CCDC152: variants seen among roughly 807,000 people sequenced by gnomAD.
CCDC152 encodes coiled-coil domain containing 152.
Under a neutral mutation model 38.1 loss-of-function variants are expected in CCDC152, and 37 were observed. The ratio of observed to expected loss-of-function variants is 0.97; its 90% CI spans 0.75 to 1.28. CCDC152 has a LOEUF of 1.28. CCDC152 is among the 50% of genes most tolerant of loss of function. CCDC152 has a pLI of 0.00. For missense variants in CCDC152, 259 were observed against 292.1 expected (o/e 0.89, Z 0.83); for synonymous variants, 83 against 87.1 (o/e 0.95, Z 0.26).
intron 2 of CCDC152, among the ~76,000 whole-genome samples, chr5:42,759,896 T>C (rs1759527370): frequency 6.6e-6 from 1 of 152,150 alleles, no homozygotes; most frequent in Non-Finnish European, 1.5e-5. Context: ...GTTATGTATG[T>C]AGAGGTAAAA....
intron 4 of CCDC152, among the ~76,000 whole-genome samples, chr5:42,776,951 A>G (rs1477294113): frequency 6.6e-6 from 1 of 152,166 alleles, no homozygotes; most frequent in Non-Finnish European, 1.5e-5. Flanking sequence ...TGTGCATATG[A>G]GAAGACAACA....
In CCDC152 at chr5:42,801,501, A is replaced by G. The variant is rs1226241259; in HGVS notation, c.*1720A>G. The G allele has an allele frequency of 3.7e-6, 2 of 544,842 alleles. No individual in the cohort carries two copies. The highest frequency in any genetic ancestry group is 1.9e-5 in the African/African-American group (1 of 52,574). The allele number at this position is 544,842 out of a possible 1,614,324, so 33.8% of individuals were successfully genotyped here. ...CTGATGTTAGTCTCAACACCTAGAC[A>G]TTTTATTAAAGGCTTAAAAAGAAAG... On this transcript the variant is annotated 3_prime_UTR_variant, in exon 9 of 9. Transcript: ENST00000361970.
intron 6 of CCDC152, among the ~76,000 whole-genome samples, chr5:42,796,143 A>G (rs1413758884): frequency 6.6e-6 from 1 of 152,042 alleles, no homozygotes; most frequent in African/African-American, 2.4e-5. Context: ...CTAATGCTAA[A>G]TGACGAGTTA....
intron 4 of CCDC152, among the ~76,000 whole-genome samples, chr5:42,773,863 G>A (rs1229680605): frequency 6.6e-6 from 1 of 152,138 alleles, no homozygotes; most frequent in Non-Finnish European, 1.5e-5. Context: ...TTTAGAAATG[G>A]TTCCACCATT....
chr5:42,779,914 TG>T (rs1242222357), intron 5 of CCDC152, among the ~76,000 whole-genome samples: 1 of 152,142 alleles, frequency 6.6e-6, no homozygotes, highest in African/African-American at 2.4e-5. Context: ...CTTTATGATT[TG>T]GGTAATCATT....
intron 6 of CCDC152, among the ~76,000 whole-genome samples, chr5:42,786,808 A>T (rs910016652): frequency 6.6e-6 from 1 of 151,800 alleles, no homozygotes; most frequent in African/African-American, 2.4e-5. Context: ...TCCTAATACT[A>T]CTTTTCTGTA....
At chr5:42,788,299 A>G (rs932592700) in intron 6 of CCDC152, among the ~76,000 whole-genome samples, 3 of 151,544 alleles carry the variant, frequency 2.0e-5, no homozygotes, top group Admixed American at 6.6e-5. Context: ...GAAGTCTGCC[A>G]TATAATCATT....
intron 4 of CCDC152, among the ~76,000 whole-genome samples, chr5:42,771,704 G>A (rs1032292860): frequency 2.0e-5 from 3 of 151,982 alleles, no homozygotes; most frequent in African/African-American, 7.3e-5. Flanking sequence ...TATACAACCT[G>A]CCAAAACTGA....
At chr5:42,774,250 T>C (rs1759740987) in intron 4 of CCDC152, among the ~76,000 whole-genome samples, 1 of 152,098 alleles carries the variant, frequency 6.6e-6, no homozygotes, top group Non-Finnish European at 1.5e-5. Flanking sequence ...TAGTCAAATC[T>C]AAGAGATTAA....
intron 4 of CCDC152, among the ~76,000 whole-genome samples, chr5:42,776,253 A>G (rs937135597): frequency 5.3e-5 from 8 of 152,176 alleles, no homozygotes; most frequent in African/African-American, 1.9e-4. Context: ...GGGCTGGAGA[A>G]AGATATGCCG....
At chr5:42,760,287 G>A (rs1228066091) in intron 2 of CCDC152, among the ~76,000 whole-genome samples, 1 of 120,950 alleles carries the variant, frequency 8.3e-6, no homozygotes, top group Non-Finnish European at 1.6e-5. Flanking sequence ...CTGGGCGACA[G>A]AGCGAGACTC....
intron 8 of CCDC152, 52 bp from the exon 9 acceptor site, chr5:42,799,607 T>G: frequency 7.4e-7 from 1 of 1,348,606 alleles, no homozygotes; most frequent in Non-Finnish European, 1.0e-6. Flanking sequence ...TGTTGTTCCT[T>G]GTACTAAATT....
chr5:42,779,108 C>T (rs1382304901), intron 4 of CCDC152, among the ~76,000 whole-genome samples: 1 of 152,152 alleles, frequency 6.6e-6, no homozygotes, highest in African/African-American at 2.4e-5. Context: ...ACTTAAATCT[C>T]GTCTCAAGTA....
intron 3 of CCDC152, among the ~76,000 whole-genome samples, chr5:42,769,005 T>C (rs1029459158): frequency 2.0e-5 from 3 of 151,898 alleles, no homozygotes; most frequent in African/African-American, 7.3e-5. Flanking sequence ...CCAAGGGGGG[T>C]GGATCACCTG....
At chr5:42,759,055 A>C in intron 1 of CCDC152, 65 bp from the exon 2 acceptor site, 1 of 1,138,584 alleles carries the variant, frequency 8.8e-7, no homozygotes, top group Non-Finnish European at 1.2e-6. Flanking sequence ...TGAGCTATGA[A>C]CACTATTGTG....
chr5:42,777,358 G>T (rs1159627616), intron 4 of CCDC152, among the ~76,000 whole-genome samples: 1 of 151,916 alleles, frequency 6.6e-6, no homozygotes, highest in Non-Finnish European at 1.5e-5. Context: ...AGCTACTCGG[G>T]GGCCGAGGCA....
Position 42,796,776 on chromosome 5 carries a change from T to C in CCDC152, c.431-53T>C, listed in dbSNP as rs1470400814. 3.4e-6 allele frequency: 4 copies of C among 1,177,816 alleles called. No individual in the cohort carries two copies. In the East Asian group the frequency reaches 8.6e-5, roughly 25 times the overall value. 73.0% of individuals were successfully genotyped at this position (1,177,816 alleles called of 1,614,324 possible). A position where few individuals can be genotyped will look rare whatever the true frequency, so the allele number is the denominator to read the frequency against. On this transcript the variant is annotated intron_variant, in intron 6 of 8. Transcript: ENST00000361970. ...AAAACACTAAAGAAATACAAACTTATAATAATTTTGAAATTTTTAACAAAT... is the reference window on the plus strand; with the variant it reads ...AAAACACTAAAGAAATACAAACTTACAATAATTTTGAAATTTTTAACAAAT...
chr5:42,799,291 A>G, intron 7 of CCDC152, 84 bp from the exon 8 acceptor site: 1 of 687,924 alleles, frequency 1.5e-6, no homozygotes, highest in Non-Finnish European at 2.4e-6. Flanking sequence ...ATTACATGTC[A>G]AAGGATAACA....
intron 6 of CCDC152, among the ~76,000 whole-genome samples, chr5:42,785,710 T>G (rs1728681144): frequency 2.0e-5 from 3 of 152,122 alleles, no homozygotes; most frequent in African/African-American, 7.2e-5. Flanking sequence ...GTTCCAGTTC[T>G]TAGGGGACAT....
Sources: allele counts gnomAD v4.1 joint callset (sites outside exome capture counted in the v4.1 genomes callset), GRCh38; gene constraint gnomAD v4.1.1; transcripts MANE v1.5; gene names NCBI Gene and HGNC (gene_info 2026-07-23, HGNC 2026-07-21).